BMPR1B: variants seen among roughly 807,000 people sequenced by gnomAD.
BMPR1B encodes the protein bone morphogenetic protein receptor type-1B.
In BMPR1B, 12 loss-of-function variants were observed where a neutral mutation model predicts 59.1. That is an observed-to-expected ratio of 0.20 (90% CI 0.13 to 0.33). The LOEUF (loss-of-function observed/expected upper bound fraction) is 0.33. Among genes scored for constraint, BMPR1B ranks in the 10% least tolerant of loss-of-function variants. The pLI, the probability that BMPR1B is intolerant of heterozygous loss-of-function variation, is 1.00. For synonymous variants in BMPR1B, 237 were observed against 207.3 expected (o/e 1.14, Z -1.23); for missense variants, 550 against 610.9 (o/e 0.90, Z 1.05).
In BMPR1B at chr4:94,897,458, A is replaced by G. The variant is rs150379882; in HGVS notation, c.-113+21558A>G. Among the ~76,000 whole-genome samples, 695 of 152,146 alleles carry G rather than the reference A, an allele frequency of 4.6e-3. 8 individuals are homozygous for G. Among genetic ancestry groups the G allele is most frequent in the African/African-American group, 0.016 (667 of 41,540 alleles). ...AAAATTGGAGCATTTGCATCTGCCA[A>G]TTACCCTTTTGTAGTCCTCGCTTAC... On this transcript the variant is annotated intron_variant, in intron 2 of 12. Coordinates refer to ENST00000515059, the MANE Select transcript of BMPR1B (RefSeq NM_001203.3).
intron 2 of BMPR1B, among the ~76,000 whole-genome samples, chr4:94,927,551 G>A (rs1358056947): frequency 6.6e-6 from 1 of 152,096 alleles, no homozygotes; most frequent in African/African-American, 2.4e-5. Flanking sequence ...AGAGAAGATG[G>A]GAGAAAAGGA....
At chr4:94,890,644 G>A (rs62316211) in intron 2 of BMPR1B, among the ~76,000 whole-genome samples, 18,513 of 152,068 alleles carry the variant, frequency 0.12, 1,409 homozygotes, top group South Asian at 0.29. Context: ...GAAGCTGAAC[G>A]TTTAAAATCA....
intron 3 of BMPR1B, among the ~76,000 whole-genome samples, chr4:95,085,913 G>T (rs1729536322): frequency 6.6e-6 from 1 of 152,044 alleles, no homozygotes; most frequent in South Asian, 2.1e-4. Flanking sequence ...GGAACATTTG[G>T]CAAGAAGAGA....
intron 2 of BMPR1B, among the ~76,000 whole-genome samples, chr4:94,985,063 G>A (rs769486894): frequency 8.5e-5 from 13 of 152,124 alleles, no homozygotes; most frequent in African/African-American, 2.7e-4. Flanking sequence ...GGCATGGTAC[G>A]TTAAGAGAGC....
At chr4:94,766,147 C>G (rs1170993607) in intron 1 of BMPR1B, among the ~76,000 whole-genome samples, 1 of 151,942 alleles carries the variant, frequency 6.6e-6, no homozygotes, top group Non-Finnish European at 1.5e-5. Flanking sequence ...AAATTGCAAC[C>G]CTTTCTGAGC....
At chr4:94,919,025 T>G (rs1478393814) in intron 2 of BMPR1B, among the ~76,000 whole-genome samples, 1 of 152,172 alleles carries the variant, frequency 6.6e-6, no homozygotes, top group Non-Finnish European at 1.5e-5. Flanking sequence ...GGTATTTATA[T>G]TGAATCCCAC....
At chr4:94,824,484 G>A (rs1349669661) in intron 1 of BMPR1B, among the ~76,000 whole-genome samples, 1 of 152,166 alleles carries the variant, frequency 6.6e-6, no homozygotes, top group Non-Finnish European at 1.5e-5. Flanking sequence ...AGCCCCAAAT[G>A]CAGACACTAA....
At chr4:94,994,264 T>C (rs1489101431) in intron 2 of BMPR1B, among the ~76,000 whole-genome samples, 2 of 152,230 alleles carry the variant, frequency 1.3e-5, no homozygotes, top group African/African-American at 4.8e-5. Flanking sequence ...TGTTTTTAAC[T>C]ACTTTCTGTC....
rs548009244 is a variant in BMPR1B at position 94,762,695 on chromosome 4, A to G, written c.-183+4627A>G. On this transcript the variant is annotated intron_variant, in intron 1 of 12. Coordinates refer to ENST00000515059, the MANE Select transcript of BMPR1B (RefSeq NM_001203.3). ...AACAAATATGATTTAGCATGTCTGT[A>G]TATAGTGTGAGCAAGAGTACCTGAA... Among the ~76,000 whole-genome samples the G allele has an allele frequency of 1.4e-4, 21 of 152,328 alleles. No individual in the cohort carries two copies. The South Asian group carries it at 4.1e-3, about 30-fold the overall frequency.
At chr4:94,996,785 C>T (rs991704360) in intron 3 of BMPR1B, among the ~76,000 whole-genome samples, 9 of 152,116 alleles carry the variant, frequency 5.9e-5, no homozygotes, top group Non-Finnish European at 8.8e-5. Context: ...TTAAAAACTG[C>T]GACTCCCTAC....
chr4:94,875,479 T>C (rs1726686386), intron 1 of BMPR1B, among the ~76,000 whole-genome samples: 1 of 152,162 alleles, frequency 6.6e-6, no homozygotes, highest in Admixed American at 6.5e-5. Flanking sequence ...GGTCAGGAGA[T>C]TGAGACCATC....
chr4:95,057,369 C>T (rs544756028), intron 3 of BMPR1B, among the ~76,000 whole-genome samples: 8 of 152,134 alleles, frequency 5.3e-5, no homozygotes, highest in Admixed American at 2.0e-4. Flanking sequence ...CTCAGCCTCC[C>T]GAGTCGCTGG....
intron 3 of BMPR1B, among the ~76,000 whole-genome samples, chr4:95,048,312 G>A (rs529067967): frequency 1.3e-5 from 2 of 152,270 alleles, no homozygotes; most frequent in Admixed American, 6.5e-5. Flanking sequence ...TATATACCCA[G>A]TAATGGCTTT....
chr4:94,954,318 C>T (rs1437211263), intron 2 of BMPR1B, among the ~76,000 whole-genome samples: 1 of 152,158 alleles, frequency 6.6e-6, no homozygotes. Flanking sequence ...TTATTTTCTA[C>T]TCATATACTT....
At chr4:95,085,985 G>A (rs577786099) in intron 3 of BMPR1B, among the ~76,000 whole-genome samples, 228 of 103,500 alleles carry the variant, frequency 2.2e-3, no homozygotes, top group African/African-American at 7.1e-3. Flanking sequence ...TTGTGTGTGT[G>A]TACCTGTGTG....
At chr4:94,898,548 A>G (rs1727676953) in intron 2 of BMPR1B, among the ~76,000 whole-genome samples, 1 of 151,988 alleles carries the variant, frequency 6.6e-6, no homozygotes. Context: ...TTTTCCTGCC[A>G]CCATGTGAAG....
chr4:94,795,739 C>T (rs1239113375), intron 1 of BMPR1B, among the ~76,000 whole-genome samples: 2 of 152,280 alleles, frequency 1.3e-5, no homozygotes, highest in South Asian at 4.1e-4. Context: ...GCTGGGATTA[C>T]AGGTGTGAGC....
chr4:94,769,924 C>A (rs1017118100), intron 1 of BMPR1B, among the ~76,000 whole-genome samples: 1 of 152,160 alleles, frequency 6.6e-6, no homozygotes, highest in Admixed American at 6.5e-5. Context: ...ATTTTAGCTT[C>A]TTTTCTTCAC....
intron 2 of BMPR1B, among the ~76,000 whole-genome samples, chr4:94,912,345 G>A (rs1403737765): frequency 1.3e-5 from 2 of 152,118 alleles, no homozygotes; most frequent in Non-Finnish European, 2.9e-5. Context: ...GAGGGTATGA[G>A]GTGGGTGGAG....
Sources: gnomAD v4.1 joint callset for allele counts (sites outside exome capture counted in the v4.1 genomes callset) on GRCh38, gnomAD v4.1.1 for gene constraint, MANE v1.5 for transcripts, NCBI Gene and HGNC (gene_info 2026-07-23, HGNC 2026-07-21) for gene names.